The following KIAA2013 variants were observed in gnomAD, a reference collection of about 807,000 sequenced individuals.
KIAA2013 encodes the protein KIAA2013, also known as uncharacterized protein KIAA2013.
KIAA2013 carries 20 observed loss-of-function variants against 39.9 expected under a neutral mutation model. The observed-to-expected ratio is 0.50, with a 90% CI of 0.35 to 0.73. The LOEUF is 0.73. Ranked by LOEUF, KIAA2013 falls within the 30% of genes least tolerant of loss-of-function variation. KIAA2013 has a pLI of 0.01. For missense variants in KIAA2013, 587 were observed against 856.1 expected (o/e 0.69, Z 3.92); for synonymous variants, 336 against 416.6 (o/e 0.81, Z 2.35).
chr1:11,926,082 C>T lies in KIAA2013; in HGVS notation c.156G>A (p.Trp52Ter). 1.4e-6 allele frequency: 2 copies of T among 1,466,686 alleles called. No individual in the cohort carries two copies. The highest frequency in any genetic ancestry group is 1.8e-6 in the Non-Finnish European group (2 of 1,115,926). The allele number at this position is 1,466,686 out of a possible 1,614,324, so 90.9% of individuals were successfully genotyped here. A position where few individuals can be genotyped will look rare whatever the true frequency, so the allele number is the denominator to read the frequency against. ...RAAGGLHLLPWSRGEPGAAEP... is the reference protein window; with the variant it reads ...RAAGGLHLLP ...CGGCGGCGCCCGGCTCACCGCGGGA[C>T]CAGGGCAGCAGGTGCAGGCCGCCCG... Residue 52 changes from tryptophan (W) to a stop codon, truncating the protein, a stop_gained, in exon 1 of 3, where the codon TGG (tryptophan) becomes TGA (stop). Transcript: ENST00000376572. LOFTEE classifies it high-confidence loss of function.
rs776848763 is a variant in KIAA2013 at position 11,925,776 on chromosome 1, G to A, written c.462C>T (p.Cys154=). The A allele has an allele frequency of 4.5e-6, 7 of 1,544,354 alleles. No individual in the cohort carries two copies. In the African/African-American group the frequency reaches 9.6e-5, roughly 21 times the overall value. The stretch of plus-strand genomic sequence containing the variant: ...CAGGACCTGGGGACCCCAGCTGCAG[G>A]CAACGCACGCGGCGCAGAAGCCCCT... ...LREGLLRRVR[C]LQLGSPGPGP... is the part of the protein sequence containing the mutation. The change falls in exon 1 of 3, where the codon TGC becomes TGT. Residue 154 remains cysteine (C), a synonymous_variant. Transcript: ENST00000376572. The surrounding 1 kb of genome is among the most constrained non-coding windows in gnomAD (Gnocchi z 5.2).
At chr1:11,922,575 G>C in intron 2 of KIAA2013, 61 bp downstream of exon 2, 1 of 1,590,810 alleles carries the variant, frequency 6.3e-7, no homozygotes, top group East Asian at 2.3e-5. Flanking sequence ...AGCCCCTTCC[G>C]AGACACAGGG....
Position 11,923,626 on chromosome 1 carries a change from G to T in KIAA2013, c.1034-137C>A. ...AGACAGTGGTGCCCATCTCCCTAAA[G>T]TATAGAAGAAAGTCAGCCTGTCTTG... On this transcript the variant is annotated intron_variant, in intron 1 of 2. Transcript: ENST00000376572. This position sits in a 1 kb window ranked among gnomAD's most constrained non-coding sequence, Gnocchi z 4.6. The T allele has an allele frequency of 2.2e-6, 2 of 929,890 alleles. No homozygotes were observed. Among genetic ancestry groups the T allele is most frequent in the Non-Finnish European group, 3.3e-6 (2 of 612,076 alleles). 57.6% of individuals were successfully genotyped at this position (929,890 alleles called of 1,614,324 possible). A position where few individuals can be genotyped will look rare whatever the true frequency, so the allele number is the denominator to read the frequency against.
chr1:11,924,417 TATTTTA>T (rs1335031268), intron 1 of KIAA2013, among the ~76,000 whole-genome samples: 1 of 151,904 alleles, frequency 6.6e-6, no homozygotes, highest in East Asian at 1.9e-4. Flanking sequence ...AAAGATGCCT[TATTTTA>T]ATTTTAATTT....
chr1:11,920,893 G>A (rs916666101), intron 2 of KIAA2013, among the ~76,000 whole-genome samples: 15 of 152,174 alleles, frequency 9.9e-5, no homozygotes, highest in Non-Finnish European at 1.6e-4. Flanking sequence ...ACTAGAAGCC[G>A]CAGGCATCCC....
chr1:11,924,879 G>A (rs1217491280), intron 1 of KIAA2013, among the ~76,000 whole-genome samples: 2 of 152,116 alleles, frequency 1.3e-5, no homozygotes, highest in African/African-American at 4.8e-5. Flanking sequence ...TTTCACCTCT[G>A]CAAACTGACT....
In KIAA2013 at chr1:11,919,730, TA is replaced by T. The variant is rs1557470805; in HGVS notation, c.*584del. 1.3e-5 allele frequency: 2 copies of T among 153,182 alleles called. No homozygotes were observed. The highest frequency in any genetic ancestry group is 2.9e-5 in the Non-Finnish European group (2 of 68,780). 9.5% of individuals were successfully genotyped at this position (153,182 alleles called of 1,614,324 possible). ...AAAACCACAGATGTCCACAGGCTCC[TA>T]AAAAAGGGCGTGCAAACCCGAGGAT... On this transcript the variant is annotated 3_prime_UTR_variant, in exon 3 of 3. Coordinates refer to ENST00000376572, the MANE Select transcript of KIAA2013 (RefSeq NM_138346.3).
chr1:11,920,704 G>C (rs1200746850), intron 2 of KIAA2013, among the ~76,000 whole-genome samples: 1 of 152,228 alleles, frequency 6.6e-6, no homozygotes, highest in Admixed American at 6.5e-5. Context: ...ATGCACATTT[G>C]GCACCTGTCC....
In KIAA2013 at chr1:11,925,215, G is replaced by A. The variant is rs144953319; in HGVS notation, c.1023C>T (p.Leu341=). 5.1e-6 allele frequency: 8 copies of A among 1,583,050 alleles called. No individual in the cohort carries two copies. The South Asian group carries it at 5.8e-5, about 12-fold the overall frequency. The part of the protein sequence containing the change: ...LQDHQLLWAQ[L]FSPGVEMKKI... The stretch of plus-strand genomic sequence containing the variant: ...CTGGCCAGGACTCACCTGGGCTGAA[G>A]AGCTGAGCCCAGAGGAGCTGGTGGT... The change falls in exon 1 of 3, where the codon CTC becomes CTT. Residue 341 remains leucine (L), a synonymous_variant. Transcript: ENST00000376572. The surrounding 1 kb of genome is among the most constrained non-coding windows in gnomAD (Gnocchi z 5.2).
intron 2 of KIAA2013, 83 bp downstream of exon 2, chr1:11,922,553 C>T (rs755465526): frequency 2.9e-5 from 45 of 1,567,288 alleles, no homozygotes; most frequent in Non-Finnish European, 3.4e-5. Context: ...CCTCACCCCC[C>T]CTCGCCAGGC....
At position 11,925,159 on chromosome 1, in the gene KIAA2013, T is replaced by C. The variant is rs1391213569; in HGVS notation, c.1033+46A>G. On this transcript the variant is annotated intron_variant, in intron 1 of 2. Transcript: ENST00000376572. The surrounding 1 kb of genome is among the most constrained non-coding windows in gnomAD (Gnocchi z 5.2). ...ACCTTCAGTGTCACCTCTGCAGACT[T>C]GGGAGGGACATATCTAGGGTGGACC... The C allele has an allele frequency of 6.7e-7, 1 of 1,501,442 alleles. No individual in the cohort carries two copies. The highest frequency in any genetic ancestry group is 1.4e-5 in the African/African-American group (1 of 71,300). 93.0% of individuals were successfully genotyped at this position (1,501,442 alleles called of 1,614,324 possible). A position where few individuals can be genotyped will look rare whatever the true frequency, so the allele number is the denominator to read the frequency against.
Position 11,925,119 on chromosome 1 carries a change from A to G in KIAA2013, c.1033+86T>C, listed in dbSNP as rs1645497800. On this transcript the variant is annotated intron_variant, in intron 1 of 2. Transcript: ENST00000376572. This position sits in a 1 kb window ranked among gnomAD's most constrained non-coding sequence, Gnocchi z 5.2. ...TGGTGAAACGCCAAGCCCAAGTTTCAACCACCCCACCATCACCTTCAGTGT... is the reference window on the plus strand; with the variant it reads ...TGGTGAAACGCCAAGCCCAAGTTTCGACCACCCCACCATCACCTTCAGTGT... The G allele has an allele frequency of 7.6e-6, 10 of 1,311,268 alleles. No individual in the cohort carries two copies. In the South Asian group the frequency reaches 1.5e-4, roughly 20 times the overall value. The allele number at this position is 1,311,268 out of a possible 1,614,324, so 81.2% of individuals were successfully genotyped here.
Position 11,923,277 on chromosome 1 carries a change from G to A in KIAA2013, c.1246C>T (p.Arg416Trp), listed in dbSNP as rs1327742676. 1.7e-5 allele frequency: 27 copies of A among 1,613,162 alleles called. No homozygotes were observed. Among genetic ancestry groups the A allele is most frequent in the Non-Finnish European group, 2.2e-5 (26 of 1,179,534 alleles). Residue 416 changes from arginine to tryptophan, a missense_variant, in exon 2 of 3, where the codon CGG becomes TGG. Coordinates refer to ENST00000376572, the MANE Select transcript of KIAA2013 (RefSeq NM_138346.3). The surrounding 1 kb of genome is among the most constrained non-coding windows in gnomAD (Gnocchi z 4.6). ...AGGATCTGCTGGACGGAGGACAGCCGCCCCGGCCACAGGTTCTCGGCGTGC... is the reference window on the plus strand; with the variant it reads ...AGGATCTGCTGGACGGAGGACAGCCACCCCGGCCACAGGTTCTCGGCGTGC... ...TMHAENLWPGRLSSVQQILQL... is the reference protein window; with the variant it reads ...TMHAENLWPGWLSSVQQILQL...
At position 11,922,651 on chromosome 1, in the gene KIAA2013, G is replaced by A. The variant is rs139850966; in HGVS notation, c.1872C>T (p.Pro624=). 4 of 1,613,420 alleles carry A rather than the reference G, an allele frequency of 2.5e-6. No individual in the cohort carries two copies. In the African/African-American group the frequency reaches 4.0e-5, roughly 16 times the overall value. ...GGCTTCCTACCTTACTCCTGAAGAG[G>A]GGCTTGGCTCCAGGCCCACAGTACT... ...YNEYCGPGAK[P]LFRSKEDPSV The change falls in exon 2 of 3, where the codon CCC becomes CCT. Residue 624 remains proline, a synonymous_variant. Coordinates refer to ENST00000376572, the MANE Select transcript of KIAA2013 (RefSeq NM_138346.3).
chr1:11,925,719 G>C lies in KIAA2013; in HGVS notation c.519C>G (p.Ser173=). ...CGGACCCCGCGGCAAGGCCAGAGAC[G>C]GAGGCGGGCCCGGGGCCGGCGGCCA... The part of the protein sequence containing the change: ...GPVAAGPGPA[S]VSGLAAGSGR... Residue 173 remains serine, a synonymous_variant, in exon 1 of 3, where the codon TCC becomes TCG. Coordinates refer to ENST00000376572, the MANE Select transcript of KIAA2013 (RefSeq NM_138346.3). This position sits in a 1 kb window ranked among gnomAD's most constrained non-coding sequence, Gnocchi z 5.2. 3 of 1,569,822 alleles carry C rather than the reference G, an allele frequency of 1.9e-6. No homozygotes were observed. The highest frequency in any genetic ancestry group is 2.3e-5 in the South Asian group (2 of 86,896).
chr1:11,925,135 C>T lies in KIAA2013; in HGVS notation c.1033+70G>A. ...CCAAGTTTCAACCACCCCACCATCA[C>T]CTTCAGTGTCACCTCTGCAGACTTG... On this transcript the variant is annotated intron_variant, in intron 1 of 2. Coordinates refer to ENST00000376572, the MANE Select transcript of KIAA2013 (RefSeq NM_138346.3). The surrounding 1 kb of genome is among the most constrained non-coding windows in gnomAD (Gnocchi z 5.2). The T allele has an allele frequency of 1.4e-6, 2 of 1,412,472 alleles. No homozygotes were observed. The highest frequency in any genetic ancestry group is 1.9e-6 in the Non-Finnish European group (2 of 1,048,654). The allele number at this position is 1,412,472 out of a possible 1,614,324, so 87.5% of individuals were successfully genotyped here.
intron 2 of KIAA2013, 172 bp downstream of exon 2, chr1:11,922,461 CTCG>C (rs1645479834): frequency 6.8e-7 from 1 of 1,468,586 alleles, no homozygotes; most frequent in Middle Eastern, 1.8e-4. Flanking sequence ...CTTTCCCTTC[CTCG>C]TCGTCTCCTC....
chr1:11,922,478 A>G, intron 2 of KIAA2013, 158 bp downstream of exon 2: 2 of 1,491,064 alleles, frequency 1.3e-6, no homozygotes, highest in Non-Finnish European at 1.8e-6. Context: ...TCTCCTCTCA[A>G]AACACTTGTG....
In KIAA2013 at chr1:11,925,323, G is replaced by C; in HGVS notation, c.915C>G (p.Ala305=). The change falls in exon 1 of 3, where the codon GCC becomes GCG. Residue 305 remains alanine (A), a synonymous_variant. Coordinates refer to ENST00000376572, the MANE Select transcript of KIAA2013 (RefSeq NM_138346.3). The surrounding 1 kb of genome is among the most constrained non-coding windows in gnomAD (Gnocchi z 5.2). ...INPQVLKSKA[A]KELKALQDLA... is the part of the protein sequence containing the mutation. ...AGTCCTGCAGCGCCTTGAGCTCCTT[G>C]GCTGCTTTGCTTTTGAGCACCTGGG... The C allele has an allele frequency of 6.2e-7, 1 of 1,613,872 alleles. No individual in the cohort carries two copies. Among genetic ancestry groups the C allele is most frequent in the Non-Finnish European group, 8.5e-7 (1 of 1,179,876 alleles).
Sources: gnomAD v4.1 joint callset for allele counts (sites outside exome capture counted in the v4.1 genomes callset) on GRCh38, gnomAD v4.1.1 for gene constraint, Gnocchi (gnomAD v3.1) non-coding constraint, MANE v1.5 for transcripts, NCBI Gene and HGNC (gene_info 2026-07-23, HGNC 2026-07-21) for gene names.